NIBAN3: variants seen among roughly 807,000 people sequenced by gnomAD.
NIBAN3 encodes the protein niban apoptosis regulator 3.
Under a neutral mutation model 76.4 loss-of-function variants are expected in NIBAN3, and 66 were observed. The observed-to-expected ratio is 0.86, with a 90% confidence interval of 0.71 to 1.06. The LOEUF (loss-of-function observed/expected upper bound fraction) is 1.06. NIBAN3 is among the 50% of genes least tolerant of loss of function. NIBAN3 has a pLI of 0.00. For synonymous variants in NIBAN3, 360 were observed against 355.2 expected (o/e 1.01, Z -0.15); for missense variants, 808 against 810.7 (o/e 1.00, Z 0.04).
chr19:17,541,249 AC>A (rs1334871064), intron 9 of NIBAN3, among the ~76,000 whole-genome samples: 1 of 151,936 alleles, frequency 6.6e-6, no homozygotes, highest in African/African-American at 2.4e-5. Context: ...ATACATACAT[AC>A]ATACATACAT....
chr19:17,545,996 G>T lies in NIBAN3; in HGVS notation c.1555-690G>T, dbSNP rs1277229772. On this transcript the variant is annotated intron_variant, in intron 12 of 14. Transcript: ENST00000599164. The stretch of plus-strand genomic sequence containing the variant: ...CACTTTTCGCTACCGCTAGACCACG[G>T]TCTGCCTGGCAACAGGCATCTTCCC... 2.1e-5 allele frequency: 9 copies of T among 435,522 alleles called. No homozygotes were observed. In the East Asian group the frequency reaches 3.6e-4, roughly 17 times the overall value. The allele number at this position is 435,522 out of a possible 1,614,324, so 27.0% of individuals were successfully genotyped here. A position where few individuals can be genotyped will look rare whatever the true frequency, so the allele number is the denominator to read the frequency against.
rs187525573 is a variant in NIBAN3, at chr19:17,533,364, C to G, written c.313-223C>G. The G allele has an allele frequency of 5.3e-4, 237 of 446,788 alleles. 1 individual carries two copies. Among genetic ancestry groups the G allele is most frequent in the African/African-American group, 4.4e-3 (212 of 48,376 alleles). 27.7% of individuals were successfully genotyped at this position (446,788 alleles called of 1,614,324 possible). A position where few individuals can be genotyped will look rare whatever the true frequency, so the allele number is the denominator to read the frequency against. The stretch of plus-strand genomic sequence containing the variant: ...GGTGGAGGTTGCGGTGAGCTGAGAT[C>G]GCGCCATCGCACTCCAGCCTGGGTG... On this transcript the variant is annotated intron_variant, in intron 3 of 14. Coordinates refer to ENST00000599164, the MANE Select transcript of NIBAN3 (RefSeq NM_001321827.2).
Position 17,553,498 on chromosome 19 carries a change from T to G in NIBAN3, c.*1600T>G, listed in dbSNP as rs1369053801. The stretch of plus-strand genomic sequence containing the variant: ...CTTGGTTCAGCTTGCAGAGGGACTT[T>G]CACACTCCCTGGAGACCGTTTCCTC... On this transcript the variant is annotated 3_prime_UTR_variant, in exon 15 of 15. Transcript: ENST00000599164. 1.2e-6 allele frequency: 2 copies of G among 1,614,096 alleles called. No homozygotes were observed. Among genetic ancestry groups the G allele is most frequent in the Non-Finnish European group, 1.7e-6 (2 of 1,180,044 alleles).
At chr19:17,548,411 C>T (rs2076097486) in intron 13 of NIBAN3, among the ~76,000 whole-genome samples, 3 of 151,930 alleles carry the variant, frequency 2.0e-5, no homozygotes, top group Admixed American at 6.6e-5. Context: ...GGCTGAGGCC[C>T]CGGTTCTGGG....
At chr19:17,554,341 G>A (rs1409118012), downstream of NIBAN3, among the ~76,000 whole-genome samples, 1 of 151,982 alleles carries the variant, frequency 6.6e-6, no homozygotes, top group East Asian at 1.9e-4. Flanking sequence ...TTAGCTGGGC[G>A]TGGTTGAGTG....
At chr19:17,544,894 G>T (rs970392401) in intron 12 of NIBAN3, among the ~76,000 whole-genome samples, 13 of 152,306 alleles carry the variant, frequency 8.5e-5, no homozygotes, top group Middle Eastern at 3.4e-3. Flanking sequence ...CAACACTAGA[G>T]AATATGGGCC....
In NIBAN3 at chr19:17,538,505, C is replaced by A. The variant is rs867894250; in HGVS notation, c.596-645C>A. Among the ~76,000 whole-genome samples, 8 of 151,030 alleles carry A rather than the reference C, an allele frequency of 5.3e-5. No individual in the cohort carries two copies. In the South Asian group the frequency reaches 1.7e-3, roughly 32 times the overall value. ...TGGCGTGGTGGCATGAGCTTGTGGT[C>A]TCAGCTACTCAGGAGGCTTAGGTGG... On this transcript the variant is annotated intron_variant, in intron 5 of 14. Coordinates refer to ENST00000599164, the MANE Select transcript of NIBAN3 (RefSeq NM_001321827.2).
chr19:17,539,784 G>A lies in NIBAN3; in HGVS notation c.979+19G>A, dbSNP rs755232130. 6.7e-7 allele frequency: 1 copy of A among 1,502,814 alleles called. No homozygotes were observed. Among genetic ancestry groups the A allele is most frequent in the South Asian group, 1.2e-5 (1 of 81,950 alleles). 93.1% of individuals were successfully genotyped at this position (1,502,814 alleles called of 1,614,324 possible). On this transcript the variant is annotated intron_variant, in intron 8 of 14. Transcript: ENST00000599164. ...CTGAGGAGTGAGGCCCTGGGGCGGA[G>A]CCTGGGCTGGGAGGGGCGAGGCGAT... is the stretch of plus-strand genomic sequence containing the variant.
chr19:17,523,313 A>G (rs1444524734), upstream of NIBAN3: 2 of 820,454 alleles, frequency 2.4e-6, no homozygotes, highest in Non-Finnish European at 3.7e-6. Context: ...TGAGCAGGAG[A>G]TGGGAATTGA....
Position 17,539,189 on chromosome 19 carries a change from T to G in NIBAN3, c.635T>G (p.Leu212Arg), listed in dbSNP as rs1319887915. The change falls in exon 6 of 15, where the codon CTG becomes CGG. Residue 212 changes from leucine to arginine, a missense_variant. Coordinates refer to ENST00000599164, the MANE Select transcript of NIBAN3 (RefSeq NM_001321827.2). ...CAGGCCCCTGCTGCCCGGGCCTTCCTGGACGCCGTCCGACTCTACCGGCAG... is the reference window on the plus strand; with the variant it reads ...CAGGCCCCTGCTGCCCGGGCCTTCCGGGACGCCGTCCGACTCTACCGGCAG... ...RSQAPAARAF[L>R]DAVRLYRQHQ... 6.2e-7 allele frequency: 1 copy of G among 1,605,858 alleles called. No homozygotes were observed.
In NIBAN3 at chr19:17,553,077, A is replaced by G. The variant is rs1312442703; in HGVS notation, c.*1179A>G. 3.9e-6 allele frequency: 2 copies of G among 517,434 alleles called. No individual in the cohort carries two copies. The highest frequency in any genetic ancestry group is 2.6e-5 in the South Asian group (1 of 38,184). The allele number at this position is 517,434 out of a possible 1,614,324, so 32.1% of individuals were successfully genotyped here. ...GTGATGGGAGTGAGACCCTGTCTCAAAAAACAAAATCCAAATATGTTGATT... is the reference window on the plus strand; with the variant it reads ...GTGATGGGAGTGAGACCCTGTCTCAGAAAACAAAATCCAAATATGTTGATT... On this transcript the variant is annotated 3_prime_UTR_variant, in exon 15 of 15. Coordinates refer to ENST00000599164, the MANE Select transcript of NIBAN3 (RefSeq NM_001321827.2).
rs756700691 is a variant in NIBAN3, at chr19:17,553,546, C to T, written c.*1648C>T. The T allele has an allele frequency of 6.2e-7, 1 of 1,614,076 alleles. No individual in the cohort carries two copies. Among genetic ancestry groups the T allele is most frequent in the Admixed American group, 1.7e-5 (1 of 60,002 alleles). On this transcript the variant is annotated 3_prime_UTR_variant, in exon 15 of 15. Transcript: ENST00000599164. Reference sequence around the variant, plus strand: ...CTCCCATTCTGTCTGGAGTTTTCGGCCTACCCCAAGACAATGAGATATTCC... The same window carrying T: ...CTCCCATTCTGTCTGGAGTTTTCGGTCTACCCCAAGACAATGAGATATTCC...
intron 14 of NIBAN3, among the ~76,000 whole-genome samples, chr19:17,550,151 G>C (rs943609967): frequency 1.3e-5 from 2 of 151,926 alleles, no homozygotes; most frequent in African/African-American, 4.8e-5. Flanking sequence ...TAGGACTTAG[G>C]GGGCATCTCC....
At chr19:17,546,584 C>A in intron 12 of NIBAN3, 102 bp from the exon 13 acceptor site, 2 of 1,308,514 alleles carry the variant, frequency 1.5e-6, no homozygotes, top group Non-Finnish European at 1.9e-6. Flanking sequence ...CGCCCCCCAA[C>A]CCCACAGCTA....
intron 12 of NIBAN3, chr19:17,546,338 A>G (rs1477358895): frequency 6.2e-6 from 1 of 160,974 alleles, no homozygotes; most frequent in Non-Finnish European, 1.4e-5. Flanking sequence ...TTGCCTCAGC[A>G]CCTGGGTGGC....
rs768164581 is a variant in NIBAN3 at position 17,533,680 on chromosome 19, G to A, written c.406G>A (p.Ala136Thr). Residue 136 changes from alanine (A) to threonine (T), a missense_variant, in exon 4 of 15, where the codon GCT becomes ACT. Physicochemically the swap from Ala to Thr is moderately conservative, Grantham distance 58. Coordinates refer to ENST00000599164, the MANE Select transcript of NIBAN3 (RefSeq NM_001321827.2). ...GCGAGAATATCTCCGCCTTTTGGAT[G>A]CTCTCTGCCCTGAATCCTTGGGTAA... ...SQREYLRLLD[A>T]LCPESLGDHT... The A allele has an allele frequency of 6.2e-7, 1 of 1,613,840 alleles. No homozygotes were observed. Among genetic ancestry groups the A allele is most frequent in the East Asian group, 2.2e-5 (1 of 44,874 alleles).
At chr19:17,551,391 G>A (rs2076153738) in intron 14 of NIBAN3, among the ~76,000 whole-genome samples, 1 of 150,908 alleles carries the variant, frequency 6.6e-6, no homozygotes, top group Admixed American at 6.6e-5. Flanking sequence ...CACTGCACCC[G>A]GCCTACATTT....
intron 2 of NIBAN3, among the ~76,000 whole-genome samples, chr19:17,531,595 G>A (rs768385344): frequency 1.9e-4 from 29 of 152,078 alleles, no homozygotes; most frequent in Non-Finnish European, 3.4e-4. Context: ...GTTCAGTGGC[G>A]CAATCTTAGC....
At chr19:17,537,942 A>G (rs2075854785) in intron 5 of NIBAN3, among the ~76,000 whole-genome samples, 1 of 144,826 alleles carries the variant, frequency 6.9e-6, no homozygotes, top group African/African-American at 2.6e-5. Flanking sequence ...GCAAAACTCC[A>G]TCACACACAC....
Sources: allele counts gnomAD v4.1 joint callset (sites outside exome capture counted in the v4.1 genomes callset), GRCh38; gene constraint gnomAD v4.1.1; transcripts MANE v1.5; gene names NCBI Gene and HGNC (gene_info 2026-07-23, HGNC 2026-07-21).